Variants in RIT2 observed in about 807,000 individuals in gnomAD.
The protein encoded by RIT2 is Ras like without CAAX 2.
RIT2 carries 24 observed loss-of-function variants against 23.7 expected under a neutral mutation model. The observed-to-expected ratio is 1.01, with a 90% CI of 0.73 to 1.43. RIT2 has a LOEUF of 1.43. Among genes scored for constraint, RIT2 ranks in the 40% most tolerant of loss-of-function variants. RIT2 has a pLI of 0.00. For missense variants in RIT2, 236 were observed against 266.9 expected (o/e 0.88, Z 0.81); for synonymous variants, 107 against 91.1 (o/e 1.17, Z -0.99).
intron 4 of RIT2, among the ~76,000 whole-genome samples, chr18:42,841,304 T>C (rs1035815917): frequency 6.6e-6 from 1 of 152,328 alleles, no homozygotes; most frequent in East Asian, 1.9e-4. Flanking sequence ...GTTTGCATAA[T>C]AGCAGCTTTT....
At chr18:42,908,551 C>T (rs1391424785) in intron 4 of RIT2, among the ~76,000 whole-genome samples, 3 of 152,140 alleles carry the variant, frequency 2.0e-5, no homozygotes, top group African/African-American at 7.2e-5. Context: ...GAGAAAACTG[C>T]TGCATTTTCT....
intron 4 of RIT2, among the ~76,000 whole-genome samples, chr18:42,801,146 G>A (rs1033198635): frequency 6.6e-6 from 1 of 151,866 alleles, no homozygotes; most frequent in Admixed American, 6.5e-5. Context: ...TGATGGCGAT[G>A]GTGAAGAAAA....
At chr18:42,885,004 A>C (rs2144084783) in intron 4 of RIT2, among the ~76,000 whole-genome samples, 1 of 152,326 alleles carries the variant, frequency 6.6e-6, no homozygotes, top group South Asian at 2.1e-4. Context: ...AGGTTACCAA[A>C]GTGAATGGCT....
At chr18:42,926,200 C>T (rs921954413) in intron 3 of RIT2, among the ~76,000 whole-genome samples, 2 of 151,818 alleles carry the variant, frequency 1.3e-5, no homozygotes, top group African/African-American at 4.8e-5. Flanking sequence ...CTTTTTCCAA[C>T]ATTATATAAA....
intron 1 of RIT2, among the ~76,000 whole-genome samples, chr18:43,114,171 G>A (rs957028527): frequency 3.3e-5 from 5 of 152,160 alleles, no homozygotes; most frequent in Middle Eastern, 3.4e-3. Flanking sequence ...TAGAAGAGAT[G>A]AATAATTTTT....
intron 1 of RIT2, among the ~76,000 whole-genome samples, chr18:43,089,282 C>T (rs967236945): frequency 6.6e-6 from 1 of 151,936 alleles, no homozygotes; most frequent in African/African-American, 2.4e-5. Context: ...AAATCAACAA[C>T]AATGAAGCCG....
intron 4 of RIT2, among the ~76,000 whole-genome samples, chr18:42,815,737 AG>A (rs1243485661): frequency 2.0e-5 from 3 of 152,268 alleles, no homozygotes; most frequent in Admixed American, 6.5e-5. Context: ...TTTCTTATGA[AG>A]GGGGGAAACG....
intron 4 of RIT2, among the ~76,000 whole-genome samples, chr18:42,838,414 A>G (rs1330557276): frequency 6.6e-6 from 1 of 151,998 alleles, no homozygotes; most frequent in Non-Finnish European, 1.5e-5. Context: ...GTTCTTCTTC[A>G]TTTTCTAATA....
intron 2 of RIT2, among the ~76,000 whole-genome samples, chr18:42,998,539 A>G (rs1911037170): frequency 6.6e-6 from 1 of 152,110 alleles, no homozygotes; most frequent in South Asian, 2.1e-4. Flanking sequence ...TTTTCTGGAA[A>G]TAGGTTTTGG....
At chr18:42,818,793 G>A (rs1208197913) in intron 4 of RIT2, among the ~76,000 whole-genome samples, 1 of 152,082 alleles carries the variant, frequency 6.6e-6, no homozygotes, top group Non-Finnish European at 1.5e-5. Flanking sequence ...TCAGAACAAT[G>A]TGGTAGAGTG....
Position 42,743,548 on chromosome 18 carries a change from C to T in RIT2, c.599G>A (p.Ser200Asn). The stretch of plus-strand genomic sequence containing the variant: ...AGAACCTTTGAGCTTCTTCCACAGG[C>T]TGTCTTTTCTCTTCAGTTTCTTTTC... ...LMEKKLKRKD[S>N]LWKKLKGSLK... is the part of the protein sequence containing the mutation. Residue 200 changes from serine to asparagine, a missense_variant, in exon 5 of 5, where the codon AGC becomes AAC. By Grantham distance (46) the Ser-to-Asn change is conservative (BLOSUM62 1). Transcript: ENST00000326695. 6.2e-7 allele frequency: 1 copy of T among 1,614,028 alleles called. No individual in the cohort carries two copies. Among genetic ancestry groups the T allele is most frequent in the Non-Finnish European group, 8.5e-7 (1 of 1,179,978 alleles).
intron 4 of RIT2, among the ~76,000 whole-genome samples, chr18:42,829,779 T>G (rs1333085448): frequency 6.6e-6 from 1 of 151,828 alleles, no homozygotes; most frequent in East Asian, 1.9e-4. Flanking sequence ...AAAAATAAAA[T>G]AAATAAGAGT....
chr18:43,038,026 A>C (rs1279438458), intron 1 of RIT2, among the ~76,000 whole-genome samples: 1 of 151,816 alleles, frequency 6.6e-6, no homozygotes, highest in Non-Finnish European at 1.5e-5. Flanking sequence ...AACATGGTGA[A>C]ACCCCATCTT....
chr18:42,792,685 G>C (rs150664247), intron 4 of RIT2, among the ~76,000 whole-genome samples: 1 of 152,242 alleles, frequency 6.6e-6, no homozygotes, highest in Non-Finnish European at 1.5e-5. Flanking sequence ...CATATACCAA[G>C]TCCATAGTGA....
rs1908574972 is a variant in RIT2, at chr18:42,905,065, C to T, written c.426+18507G>A. Among the ~76,000 whole-genome samples, 3 of 152,262 alleles carry T rather than the reference C, an allele frequency of 2.0e-5. No individual in the cohort carries two copies. In the South Asian group the frequency reaches 6.2e-4, roughly 32 times the overall value. On this transcript the variant is annotated intron_variant, in intron 4 of 4. Transcript: ENST00000326695. ...AAAGCTTAAAATCTGCATGCCTTCA[C>T]ACAGTTTAATTTCCCTTCAAGCCAT...
At chr18:43,099,121 T>A (rs78025091) in intron 1 of RIT2, among the ~76,000 whole-genome samples, 1 of 152,176 alleles carries the variant, frequency 6.6e-6, no homozygotes, top group Non-Finnish European at 1.5e-5. Flanking sequence ...CAAGATCAGC[T>A]TTGATGCTTT....
intron 4 of RIT2, among the ~76,000 whole-genome samples, chr18:42,797,350 G>A (rs1030999977): frequency 6.6e-6 from 1 of 151,720 alleles, no homozygotes; most frequent in Admixed American, 6.6e-5. Context: ...TTCACCCAAA[G>A]CACATGAAGA....
chr18:43,008,118 A>C (rs2144250649), intron 2 of RIT2, among the ~76,000 whole-genome samples: 1 of 151,730 alleles, frequency 6.6e-6, no homozygotes, highest in African/African-American at 2.4e-5. Context: ...TCCAACTAGA[A>C]ATTTGTAGGA....
Position 42,941,115 on chromosome 18 carries a change from T to C in RIT2, c.235-17352A>G, listed in dbSNP as rs567319903. On this transcript the variant is annotated intron_variant, in intron 3 of 4. Coordinates refer to ENST00000326695, the MANE Select transcript of RIT2 (RefSeq NM_002930.4). ...TTAAGGGAAAGGAGCAATAGTTTGA[T>C]CTTGAATGTGGGGAAGAAGGGATAT... Among the ~76,000 whole-genome samples the C allele has an allele frequency of 2.0e-4, 31 of 152,242 alleles. No individual in the cohort carries two copies. In the Middle Eastern group the frequency reaches 0.014, roughly 67 times the overall value.
Sources: gnomAD v4.1 joint callset for allele counts (sites outside exome capture counted in the v4.1 genomes callset) on GRCh38, gnomAD v4.1.1 for gene constraint, MANE v1.5 for transcripts, NCBI Gene and HGNC (gene_info 2026-07-23, HGNC 2026-07-21) for gene names.